The following CIDEC variants were observed in gnomAD, a reference collection of about 807,000 sequenced individuals.
The protein encoded by CIDEC is cell death inducing DFFA like effector c.
A neutral mutation model predicts 21.9 loss-of-function variants in CIDEC; 11 were observed. The ratio of observed to expected loss-of-function variants is 0.50; its 90% CI spans 0.32 to 0.83. CIDEC has a LOEUF of 0.83. Ranked by LOEUF, CIDEC falls within the 40% of genes least tolerant of loss-of-function variation. The probability of loss-of-function intolerance (pLI) is 0.04; values close to 1 mark genes in which losing one functional copy is unlikely to be tolerated. For missense variants in CIDEC, 302 were observed against 302.3 expected, an observed-to-expected ratio of 1.00 and a Z score of 0.01; for synonymous variants, 127 against 124.9, an observed-to-expected ratio of 1.02 and a Z score of -0.11.
chr3:9,867,288 A>G lies in CIDEC; in HGVS notation c.563T>C (p.Phe188Ser). 6.2e-7 allele frequency: 1 copy of G among 1,614,160 alleles called. No homozygotes were observed. The highest frequency in any genetic ancestry group is 8.5e-7 in the Non-Finnish European group (1 of 1,180,046). Residue 188 changes from phenylalanine (F) to serine (S), a missense_variant, in exon 7 of 7, where the codon TTC (phenylalanine) becomes TCC (serine). By Grantham distance (155) the Phe-to-Ser change is radical (BLOSUM62 -2). Transcript: ENST00000336832. Reference sequence around the variant, plus strand: ...CTGCATGCTGAAGAGGGCCCAGCGGAAAGCTTCCCTGGGTGGAATGAGAGG... The same window carrying G: ...CTGCATGCTGAAGAGGGCCCAGCGGGAAGCTTCCCTGGGTGGAATGAGAGG... ...CGAKRIMKEAFRWALFSMQAT... is the reference protein window; with the variant it reads ...CGAKRIMKEASRWALFSMQAT...
At position 9,877,975 on chromosome 3, in the gene CIDEC, A is replaced by AT. The variant is rs1431707700; in HGVS notation, c.53+458dup. 3.4e-5 allele frequency: 6 copies of AT among 175,900 alleles called. No individual in the cohort carries two copies. The South Asian group carries it at 6.3e-4, about 19-fold the overall frequency. 10.9% of individuals were successfully genotyped at this position (175,900 alleles called of 1,614,324 possible). A position where few individuals can be genotyped will look rare whatever the true frequency, so the allele number is the denominator to read the frequency against. ...GGGAAGCCTGAAGTCAATGTAAGGT[A>AT]TTTTTTTAACTGAAGCACTCAATTT... On this transcript the variant is annotated intron_variant, in intron 3 of 6. Coordinates refer to ENST00000336832, the MANE Select transcript of CIDEC (RefSeq NM_001321142.2).
intron 3 of CIDEC, chr3:9,878,182 C>G: frequency 2.0e-6 from 1 of 501,480 alleles, no homozygotes; most frequent in African/African-American, 1.9e-5. Flanking sequence ...TACATGAGAT[C>G]AGGAGTAAAA....
chr3:9,868,521 C>T (rs1029531924), intron 6 of CIDEC, among the ~76,000 whole-genome samples: 11 of 152,174 alleles, frequency 7.2e-5, no homozygotes, highest in Non-Finnish European at 1.2e-4. Context: ...GGGATTGCAC[C>T]TGCCACCCAG....
chr3:9,873,547 T>A (rs392810), intron 4 of CIDEC, among the ~76,000 whole-genome samples: 1 of 152,062 alleles, frequency 6.6e-6, no homozygotes, highest in South Asian at 2.1e-4. Context: ...ACCTGGGAGG[T>A]GGAGCTTGCA....
At chr3:9,873,942 C>A (rs1204313577) in intron 4 of CIDEC, among the ~76,000 whole-genome samples, 1 of 152,070 alleles carries the variant, frequency 6.6e-6, no homozygotes, top group Non-Finnish European at 1.5e-5. Context: ...ACACCAATAG[C>A]AATGAACATA....
intron 6 of CIDEC, among the ~76,000 whole-genome samples, chr3:9,867,630 C>G (rs1357784605): frequency 2.1e-5 from 3 of 146,224 alleles, no homozygotes; most frequent in African/African-American, 7.6e-5. Flanking sequence ...AAAAAACAAT[C>G]AAACAAAAAA....
chr3:9,868,659 A>C (rs1370389747), intron 6 of CIDEC, among the ~76,000 whole-genome samples: 2 of 152,226 alleles, frequency 1.3e-5, no homozygotes, highest in African/African-American at 4.8e-5. Context: ...ATTTGGTTAG[A>C]CTTTCAAAAA....
intron 2 of CIDEC, chr3:9,878,721 C>T: frequency 9.1e-6 from 14 of 1,532,524 alleles, no homozygotes; most frequent in Middle Eastern, 1.7e-4. Context: ...CTCTCCCCAC[C>T]GGGTGCTCAG....
chr3:9,874,902 T>C lies in CIDEC; in HGVS notation c.207+2164A>G, dbSNP rs1427240880. 4.6e-5 allele frequency among the ~76,000 whole-genome samples: 7 copies of C among 152,174 alleles called. No individual in the cohort carries two copies. In the East Asian group the frequency reaches 1.4e-3, roughly 30 times the overall value. Reference sequence around the variant, plus strand: ...CACACCACCATGTCCAGCTAATTCCTGTATTATTTTTGTATAGACGGGGTC... The same window carrying C: ...CACACCACCATGTCCAGCTAATTCCCGTATTATTTTTGTATAGACGGGGTC... On this transcript the variant is annotated intron_variant, in intron 4 of 6. Transcript: ENST00000336832.
rs201709635 is a variant in CIDEC at position 9,869,969 on chromosome 3, A to C, written c.467T>G (p.Ile156Ser). The C allele has an allele frequency of 6.2e-7, 1 of 1,614,098 alleles. No individual in the cohort carries two copies. The highest frequency in any genetic ancestry group is 1.3e-5 in the African/African-American group (1 of 74,938). The change falls in exon 6 of 7, where the codon ATT (isoleucine) becomes AGT (serine). Residue 156 changes from isoleucine (I) to serine (S), a missense_variant. By Grantham distance (142) the Ile-to-Ser change is moderately radical. Coordinates refer to ENST00000336832, the MANE Select transcript of CIDEC (RefSeq NM_001321142.2). ...DLYKLNPQDF[I>S]GCLNVKATFY... The stretch of plus-strand genomic sequence containing the variant: ...AGTCGCCTTCACGTTCAGGCAGCCA[A>C]TGAAGTCCTGTGGGTTCAGCTTGTA...
intron 6 of CIDEC, 92 bp from the exon 7 acceptor site, chr3:9,867,388 G>A (rs570110628): frequency 7.3e-7 from 1 of 1,365,222 alleles, no homozygotes; most frequent in South Asian, 1.2e-5. Flanking sequence ...GGGAGGCCAT[G>A]GAGGGCGGGT....
chr3:9,874,673 T>C, intron 4 of CIDEC, among the ~76,000 whole-genome samples: 1 of 152,158 alleles, frequency 6.6e-6, no homozygotes, highest in East Asian at 1.9e-4. Flanking sequence ...CCTACCACTT[T>C]ATTCAAATAA....
intron 6 of CIDEC, 125 bp from the exon 7 acceptor site, chr3:9,867,421 A>AGCTGTAATC: frequency 1.1e-6 from 1 of 913,168 alleles, no homozygotes. Flanking sequence ...GGAGTTTGAG[A>AGCTGTAATC]CTAGCATGGC....
intron 4 of CIDEC, among the ~76,000 whole-genome samples, chr3:9,875,440 T>G (rs2082410057): frequency 1.4e-5 from 2 of 140,372 alleles, no homozygotes; most frequent in Non-Finnish European, 1.6e-5. Context: ...TAAACAAAAA[T>G]AGCTGGCTCA....
chr3:9,872,808 T>C (rs1003039087), intron 4 of CIDEC, among the ~76,000 whole-genome samples: 10 of 151,956 alleles, frequency 6.6e-5, no homozygotes, highest in African/African-American at 1.5e-4. Flanking sequence ...GCCAACATGG[T>C]GAAACCCCGT....
Position 9,866,968 on chromosome 3 carries a change from C to T in CIDEC, c.*166G>A. On this transcript the variant is annotated 3_prime_UTR_variant, in exon 7 of 7. Coordinates refer to ENST00000336832, the MANE Select transcript of CIDEC (RefSeq NM_001321142.2). ...GAGCTTGAGGTTCTCCTTTGGCCAA[C>T]CCACCCCAGGTTTCCAGCTCCTCCT... 1.2e-6 allele frequency: 1 copy of T among 801,848 alleles called. No individual in the cohort carries two copies. The allele number at this position is 801,848 out of a possible 1,614,324, so 49.7% of individuals were successfully genotyped here.
chr3:9,873,231 T>C (rs2082374350), intron 4 of CIDEC, among the ~76,000 whole-genome samples: 1 of 152,192 alleles, frequency 6.6e-6, no homozygotes, highest in Non-Finnish European at 1.5e-5. Flanking sequence ...CTTTGGTCCA[T>C]TTTTACTTAC....
Position 9,866,904 on chromosome 3 carries a change from C to A in CIDEC, c.*230G>T, listed in dbSNP as rs1575443911. ...AGACTTCAGGACCAGTCTGGATGGG[C>A]TAAGCTGCCTTGGGCAGGAAGGAGC... On this transcript the variant is annotated 3_prime_UTR_variant, in exon 7 of 7. Coordinates refer to ENST00000336832, the MANE Select transcript of CIDEC (RefSeq NM_001321142.2). 6.2e-6 allele frequency: 4 copies of A among 640,592 alleles called. No individual in the cohort carries two copies. The highest frequency in any genetic ancestry group is 1.1e-5 in the Non-Finnish European group (4 of 354,140). The allele number at this position is 640,592 out of a possible 1,614,324, so 39.7% of individuals were successfully genotyped here.
intron 2 of CIDEC, 47 bp from the exon 3 acceptor site, chr3:9,878,558 C>G (rs374888110): frequency 5.5e-5 from 84 of 1,522,080 alleles, no homozygotes; most frequent in Non-Finnish European, 7.4e-5. Flanking sequence ...TGAGAGGGTT[C>G]CCATCTCTCT....
Sources: gnomAD v4.1 joint callset for allele counts (sites outside exome capture counted in the v4.1 genomes callset) on GRCh38, gnomAD v4.1.1 for gene constraint, MANE v1.5 for transcripts, NCBI Gene and HGNC (gene_info 2026-07-23, HGNC 2026-07-21) for gene names.